Variants in GLRA2 observed in about 807,000 individuals in gnomAD.
GLRA2 encodes the protein glycine receptor alpha 2.
GLRA2 carries 11 observed loss-of-function variants against 31.6 expected under a neutral mutation model. That is an observed-to-expected ratio of 0.35 (90% CI 0.22 to 0.58). GLRA2 has a LOEUF of 0.58. GLRA2 is among the 20% of genes least tolerant of loss of function. GLRA2 has a pLI of 0.84. For missense variants in GLRA2, 212 were observed against 351.8 expected (o/e 0.60, Z 3.18); for synonymous variants, 132 against 134.0 (o/e 0.99, Z 0.10).
the GLRA2 span, among the ~76,000 whole-genome samples, chrX:14,488,595 T>A: frequency 1.8e-5 from 2 of 112,451 alleles, no homozygotes; most frequent in African/African-American, 6.5e-5. Context: ...AAGCCACAAA[T>A]GTTTGCATGG....
intron 4 of GLRA2, among the ~76,000 whole-genome samples, chrX:14,585,072 G>A (rs934141505): frequency 1.6e-4 from 18 of 111,418 alleles, no homozygotes; most frequent in African/African-American, 5.5e-4. Flanking sequence ...TTTTGGATTA[G>A]GTGGGGATTG....
intron 4 of GLRA2, among the ~76,000 whole-genome samples, chrX:14,582,835 A>G (rs764870399): frequency 8.9e-6 from 1 of 112,107 alleles, no homozygotes; most frequent in African/African-American, 3.2e-5. Flanking sequence ...CTCTATCATT[A>G]TAGCTCAAAA....
At chrX:14,588,112 G>A (rs1369977943) in intron 4 of GLRA2, among the ~76,000 whole-genome samples, 1 of 110,515 alleles carries the variant, frequency 9.0e-6, no homozygotes, top group Non-Finnish European at 1.9e-5. Flanking sequence ...TCTCCATGTT[G>A]GCCAGGCTGG....
At chrX:14,518,655 ATGTGTG>A in the GLRA2 span, among the ~76,000 whole-genome samples, 1 of 108,131 alleles carries the variant, frequency 9.2e-6, no homozygotes, top group East Asian at 2.9e-4. Flanking sequence ...GTGTGTGTGT[ATGTGTG>A]TGTGTGTGTG....
the GLRA2 span, among the ~76,000 whole-genome samples, chrX:14,517,672 T>G: frequency 2.7e-5 from 3 of 111,691 alleles, no homozygotes; most frequent in African/African-American, 9.8e-5. Flanking sequence ...AGATGAGATT[T>G]GGGTGGGGAC....
At chrX:14,522,131 C>T in the GLRA2 span, among the ~76,000 whole-genome samples, 1 of 112,475 alleles carries the variant, frequency 8.9e-6, no homozygotes, top group Non-Finnish European at 1.9e-5. Context: ...TAAATCCTCT[C>T]AAACCCTGCT....
At chrX:14,575,709 C>T (rs2089949494) in intron 3 of GLRA2, among the ~76,000 whole-genome samples, 1 of 111,433 alleles carries the variant, frequency 9.0e-6, no homozygotes, top group Non-Finnish European at 1.9e-5. Flanking sequence ...AATCCTCCTG[C>T]CTCAGCCTCC....
chrX:14,599,756 C>G (rs886179226), intron 4 of GLRA2, among the ~76,000 whole-genome samples: 1 of 110,986 alleles, frequency 9.0e-6, no homozygotes, highest in Non-Finnish European at 1.9e-5. Flanking sequence ...TGCACTGTAT[C>G]TTAAGATTTG....
intron 7 of GLRA2, among the ~76,000 whole-genome samples, chrX:14,616,253 G>A (rs1001547176): frequency 4.6e-4 from 52 of 111,974 alleles, no homozygotes; most frequent in South Asian, 1.5e-3. Flanking sequence ...TCCTAAGTGT[G>A]TCTTGAGTCC....
At chrX:14,604,861 G>C (rs1417289087) in intron 5 of GLRA2, among the ~76,000 whole-genome samples, 5 of 110,438 alleles carry the variant, frequency 4.5e-5, no homozygotes, top group Non-Finnish European at 9.5e-5. Context: ...TAATTGCTTT[G>C]AGAACAAGAC....
the GLRA2 span, among the ~76,000 whole-genome samples, chrX:14,501,438 G>A: frequency 2.7e-5 from 3 of 111,104 alleles, no homozygotes; most frequent in Non-Finnish European, 5.7e-5. Context: ...TGACTGGATC[G>A]TTTGGCTTAT....
At chrX:14,487,412 A>AAG in the GLRA2 span, among the ~76,000 whole-genome samples, 3 of 107,210 alleles carry the variant, frequency 2.8e-5, no homozygotes, top group Non-Finnish European at 3.8e-5. Flanking sequence ...AAAAAAAAAA[A>AAG]AAAGGTTTCC....
chrX:14,529,102 C>T (rs774541893), upstream of GLRA2, among the ~76,000 whole-genome samples: 1 of 111,696 alleles, frequency 9.0e-6, no homozygotes, highest in South Asian at 3.8e-4. Context: ...CACAGGACTC[C>T]TCTTTGCCTC....
intron 7 of GLRA2, among the ~76,000 whole-genome samples, chrX:14,666,222 A>C (rs2091037373): frequency 8.9e-6 from 1 of 112,085 alleles, no homozygotes; most frequent in African/African-American, 3.2e-5. Context: ...GGTAAAAATC[A>C]AATTCAATTA....
the GLRA2 span, among the ~76,000 whole-genome samples, chrX:14,507,545 C>T: frequency 9.0e-6 from 1 of 110,574 alleles, no homozygotes. Flanking sequence ...AGAGTCAGCC[C>T]TTAGAAACTT....
At chrX:14,674,193 T>C (rs2091121408) in intron 7 of GLRA2, among the ~76,000 whole-genome samples, 1 of 112,190 alleles carries the variant, frequency 8.9e-6, no homozygotes, top group African/African-American at 3.2e-5. Context: ...TTGTTGATGA[T>C]AGTGGTGGTG....
At chrX:14,708,711 C>T (rs1484534101) in intron 8 of GLRA2, among the ~76,000 whole-genome samples, 2 of 111,410 alleles carry the variant, frequency 1.8e-5, no homozygotes, top group African/African-American at 3.3e-5. Context: ...CCGAGGTGGG[C>T]GGATGGCCTG....
chrX:14,665,329 G>A (rs1464174496), intron 7 of GLRA2, among the ~76,000 whole-genome samples: 1 of 111,925 alleles, frequency 8.9e-6, no homozygotes, highest in Non-Finnish European at 1.9e-5. Flanking sequence ...GTGAATGCAT[G>A]GAATCAGCAT....
rs945383238 is a variant in GLRA2, at chrX:14,581,078, C to T, written c.271-105C>T. The T allele has an allele frequency of 3.5e-4, 187 of 538,365 alleles. No homozygotes were observed. The East Asian group carries it at 6.0e-3, about 17-fold the overall frequency. 44.4% of individuals were successfully genotyped at this position (538,365 alleles called of 1,213,427 possible). A position where few individuals can be genotyped will look rare whatever the true frequency, so the allele number is the denominator to read the frequency against. On this transcript the variant is annotated intron_variant, in intron 3 of 8. Transcript: ENST00000218075. ...CAAGGTATACACAGTTTGGTTTACT[C>T]GGACACCAAAGCTGTATCAAATCAG...
Sources: gnomAD v4.1 joint callset for allele counts (sites outside exome capture counted in the v4.1 genomes callset) on GRCh38, gnomAD v4.1.1 for gene constraint, MANE v1.5 for transcripts, NCBI Gene and HGNC (gene_info 2026-07-23, HGNC 2026-07-21) for gene names.